Variants in SPMIP11 observed in about 807,000 individuals in gnomAD.
The protein encoded by SPMIP11 is long intergenic non-protein coding RNA 935.
At chr12:48,759,184 C>A in the SPMIP11 span, 2 of 702,230 alleles carry the variant, frequency 2.8e-6, no homozygotes, top group Admixed American at 4.0e-5. Context: ...GCCAAGTACT[C>A]AGAACGAGTC....
At chr12:48,756,077 G>A in the SPMIP11 span, among the ~76,000 whole-genome samples, 1 of 151,622 alleles carries the variant, frequency 6.6e-6, no homozygotes, top group African/African-American at 2.4e-5. Flanking sequence ...TAGAGACGGG[G>A]TTTCACTGTG....
At chr12:48,736,146 G>A in the SPMIP11 span, 2 of 442,930 alleles carry the variant, frequency 4.5e-6, no homozygotes. Context: ...GCTCACGCCT[G>A]TAATCCCAGG....
the SPMIP11 span, among the ~76,000 whole-genome samples, chr12:48,747,056 A>AT: frequency 6.6e-6 from 1 of 152,186 alleles, no homozygotes; most frequent in Admixed American, 6.5e-5. Flanking sequence ...ACTCATAAGC[A>AT]TTATCTGCCT....
At chr12:48,731,588 T>C in the SPMIP11 span, among the ~76,000 whole-genome samples, 1 of 152,200 alleles carries the variant, frequency 6.6e-6, no homozygotes, top group Non-Finnish European at 1.5e-5. Flanking sequence ...ATGGCCAGAA[T>C]TGTTGACTTA....
chr12:48,743,933 C>CAAAAAAAAA, the SPMIP11 span, among the ~76,000 whole-genome samples: 12 of 34,890 alleles, frequency 3.4e-4, no homozygotes, highest in Admixed American at 9.1e-4. Flanking sequence ...GACTTCGTCT[C>CAAAAAAAAA]AAAAAAAAAA....
chr12:48,738,829 C>T, the SPMIP11 span, among the ~76,000 whole-genome samples: 2 of 152,058 alleles, frequency 1.3e-5, no homozygotes, highest in East Asian at 1.9e-4. Flanking sequence ...CCAGCCCATA[C>T]CCAAGGGAAG....
chr12:48,764,839 C>G, the SPMIP11 span: 32 of 702,396 alleles, frequency 4.6e-5, no homozygotes, highest in Non-Finnish European at 7.8e-5. Flanking sequence ...GCCCTTCCCC[C>G]CACCCATTCA....
the SPMIP11 span, among the ~76,000 whole-genome samples, chr12:48,734,897 C>T: frequency 1.4e-5 from 2 of 146,782 alleles, no homozygotes; most frequent in South Asian, 2.2e-4. Flanking sequence ...CCCAGCTACT[C>T]GGGAGGCTGA....
At chr12:48,761,138 T>C in the SPMIP11 span, among the ~76,000 whole-genome samples, 1 of 150,190 alleles carries the variant, frequency 6.7e-6, no homozygotes, top group Non-Finnish European at 1.5e-5. Flanking sequence ...CTGGGCAACA[T>C]GGTGAAATCC....
At chr12:48,750,090 G>A in the SPMIP11 span, among the ~76,000 whole-genome samples, 1 of 150,998 alleles carries the variant, frequency 6.6e-6, no homozygotes, top group Non-Finnish European at 1.5e-5. Context: ...AGTGGCCCAG[G>A]CCTGTAATCC....
chr12:48,758,414 TCCCGTCACTA>T, the SPMIP11 span, among the ~76,000 whole-genome samples: 1 of 152,212 alleles, frequency 6.6e-6, no homozygotes, highest in South Asian at 2.1e-4. Flanking sequence ...TGCTGCCACC[TCCCGTCACTA>T]GCGGATAACT....
chr12:48,765,944 G>A, the SPMIP11 span, among the ~76,000 whole-genome samples: 7 of 152,192 alleles, frequency 4.6e-5, no homozygotes, highest in East Asian at 3.9e-4. Context: ...AAGAACCGCC[G>A]GCTTCATGCA....
chr12:48,769,471 A>G, the SPMIP11 span, among the ~76,000 whole-genome samples: 1 of 150,770 alleles, frequency 6.6e-6, no homozygotes, highest in Non-Finnish European at 1.5e-5. Context: ...AGACCTGAGC[A>G]CCTCAGTTTA....
At chr12:48,737,741 A>G in the SPMIP11 span, among the ~76,000 whole-genome samples, 1 of 151,674 alleles carries the variant, frequency 6.6e-6, no homozygotes, top group Non-Finnish European at 1.5e-5. Context: ...TGCTTCCTTT[A>G]TTCTTTTTCA....
At chr12:48,767,627 T>A in the SPMIP11 span, 1 of 152,638 alleles carries the variant, frequency 6.6e-6, no homozygotes, top group Admixed American at 6.5e-5. Context: ...CCTTTCTCCA[T>A]GCCCTGACCC....
the SPMIP11 span, among the ~76,000 whole-genome samples, chr12:48,737,303 T>C: frequency 6.6e-6 from 1 of 152,010 alleles, no homozygotes; most frequent in African/African-American, 2.4e-5. Flanking sequence ...AATTTCAAAA[T>C]GATGGAATTT....
the SPMIP11 span, among the ~76,000 whole-genome samples, chr12:48,731,875 G>T: frequency 2.0e-5 from 3 of 151,982 alleles, no homozygotes; most frequent in Admixed American, 6.6e-5. Flanking sequence ...TTGGCCAGGC[G>T]CAATGGCTCA....
chr12:48,770,678 A>C, the SPMIP11 span: 1 of 1,372,402 alleles, frequency 7.3e-7, no homozygotes, highest in Non-Finnish European at 1.0e-6. Flanking sequence ...CCCTGATGGG[A>C]AATCTGTGAT....
At chr12:48,748,700 C>A in the SPMIP11 span, among the ~76,000 whole-genome samples, 1 of 152,146 alleles carries the variant, frequency 6.6e-6, no homozygotes, top group Non-Finnish European at 1.5e-5. Context: ...ACCTCCTCCC[C>A]CATCCTCATT....
Sources: allele counts gnomAD v4.1 joint callset (sites outside exome capture counted in the v4.1 genomes callset), GRCh38; gene constraint gnomAD v4.1.1; transcripts MANE v1.5; gene names NCBI Gene and HGNC (gene_info 2026-07-23, HGNC 2026-07-21).